The following NIPBL variants were observed in gnomAD, a reference collection of about 807,000 sequenced individuals.
NIPBL encodes the protein nipped-B-like protein.
In NIPBL, 19 loss-of-function variants were observed where a neutral mutation model predicts 321.8. The observed-to-expected ratio is 0.06, with a 90% confidence interval of 0.04 to 0.09. The LOEUF (loss-of-function observed/expected upper bound fraction) is 0.09. NIPBL is among the 10% of genes least tolerant of loss of function. The pLI is 1.00. For missense variants in NIPBL, 2,210 were observed against 3,327.0 expected, an observed-to-expected ratio of 0.66 and a Z score of 8.26; for synonymous variants, 1,106 against 1,114.1, an observed-to-expected ratio of 0.99 and a Z score of 0.14.
At chr5:36,904,949 C>G (rs1747515171) in intron 1 of NIPBL, among the ~76,000 whole-genome samples, 1 of 152,148 alleles carries the variant, frequency 6.6e-6, no homozygotes, top group South Asian at 2.1e-4. Flanking sequence ...GAGGGAATTA[C>G]ACAAGGTGGA....
chr5:36,977,194 A>G (rs895559594), intron 9 of NIPBL, among the ~76,000 whole-genome samples: 12 of 152,106 alleles, frequency 7.9e-5, no homozygotes, highest in African/African-American at 2.4e-4. Context: ...TTTGATTGCT[A>G]TATAAATGCA....
intron 6 of NIPBL, among the ~76,000 whole-genome samples, chr5:36,964,276 G>T (rs1741964395): frequency 6.6e-6 from 1 of 151,862 alleles, no homozygotes; most frequent in Admixed American, 6.6e-5. Flanking sequence ...AACCAAAAAA[G>T]ACCCCAAATT....
rs184010526 is a variant in NIPBL at position 37,025,818 on chromosome 5, T to C, written c.5710-411T>C. ...TATTATGTATCCATAAAAAAAAAAT[T>C]TTAAGTTTAGTCCTAAATTCATTAG... is the stretch of plus-strand genomic sequence containing the variant. On this transcript the variant is annotated intron_variant, in intron 30 of 46. Transcript: ENST00000282516. Among the ~76,000 whole-genome samples, 733 of 152,176 alleles carry C rather than the reference T, an allele frequency of 4.8e-3. 4 individuals are homozygous for C. The highest frequency in any genetic ancestry group is 7.2e-3 in the Admixed American group (110 of 15,276).
At chr5:37,046,257 A>T in intron 38 of NIPBL, 58 bp downstream of exon 38, 2 of 910,840 alleles carry the variant, frequency 2.2e-6, no homozygotes, top group Non-Finnish European at 3.7e-6. Flanking sequence ...GCATATTTTT[A>T]AATATTGTGA....
At chr5:37,019,669 A>AGG (rs1207282209) in intron 25 of NIPBL, among the ~76,000 whole-genome samples, 1 of 152,210 alleles carries the variant, frequency 6.6e-6, no homozygotes, top group Admixed American at 6.5e-5. Context: ...CTTTGAGGCT[A>AGG]GGCTAGGTCA....
chr5:36,976,415 C>A lies in NIPBL; in HGVS notation c.1495+13C>A. The stretch of plus-strand genomic sequence containing the variant: ...GTTCAAGATAAAGGTAAAATAATCT[C>A]ATTATTACCACTTCATCATCTGGGC... On this transcript the variant is annotated intron_variant, in intron 9 of 46. Coordinates refer to ENST00000282516, the MANE Select transcript of NIPBL (RefSeq NM_133433.4). The A allele has an allele frequency of 1.2e-6, 2 of 1,600,862 alleles. No homozygotes were observed. Among genetic ancestry groups the A allele is most frequent in the South Asian group, 2.2e-5 (2 of 90,924 alleles).
At position 37,065,589 on chromosome 5, in the gene NIPBL, A is replaced by C. The variant is rs1454873519; in HGVS notation, c.*697A>C. On this transcript the variant is annotated 3_prime_UTR_variant, in exon 47 of 47. Transcript: ENST00000282516. ...TTTTACAGTCTTTTATGTAAAATTT[A>C]TTATATCACTGGTTTTCAAAGCAAA... is the stretch of plus-strand genomic sequence containing the variant. 6.6e-6 allele frequency: 1 copy of C among 152,596 alleles called. No homozygotes were observed. 9.5% of individuals were successfully genotyped at this position (152,596 alleles called of 1,614,324 possible).
intron 17 of NIPBL, among the ~76,000 whole-genome samples, chr5:37,006,832 T>C (rs988332556): frequency 1.3e-5 from 2 of 151,960 alleles, no homozygotes; most frequent in African/African-American, 4.8e-5. Context: ...CTGGTTTCAT[T>C]TATCACTTCG....
intron 4 of NIPBL, among the ~76,000 whole-genome samples, chr5:36,960,630 A>C (rs1250292056): frequency 1.3e-5 from 2 of 152,202 alleles, no homozygotes; most frequent in African/African-American, 4.8e-5. Context: ...GCCACTTTTT[A>C]TAACAACAGC....
chr5:36,936,154 GTAT>G (rs1409377627), intron 1 of NIPBL, among the ~76,000 whole-genome samples: 2 of 152,018 alleles, frequency 1.3e-5, no homozygotes, highest in African/African-American at 4.8e-5. Context: ...TGTGATTATG[GTAT>G]TATTTGATAT....
chr5:36,909,461 C>T (rs1354153256), intron 1 of NIPBL, among the ~76,000 whole-genome samples: 2 of 152,028 alleles, frequency 1.3e-5, no homozygotes, highest in African/African-American at 4.8e-5. Flanking sequence ...TAATTTTGCA[C>T]TACTGTTTGA....
intron 1 of NIPBL, among the ~76,000 whole-genome samples, chr5:36,936,803 TAAC>T (rs1388488978): frequency 6.6e-6 from 1 of 151,718 alleles, no homozygotes; most frequent in Non-Finnish European, 1.5e-5. Context: ...AAAATGGTGA[TAAC>T]GAGACTTAAC....
At chr5:37,042,710 C>G (rs1752543575) in intron 34 of NIPBL, among the ~76,000 whole-genome samples, 1 of 151,564 alleles carries the variant, frequency 6.6e-6, no homozygotes, top group South Asian at 2.1e-4. Flanking sequence ...TCCTTCCATG[C>G]CTCCAGCTAC....
chr5:37,001,976 C>G (rs1380645201), intron 14 of NIPBL, among the ~76,000 whole-genome samples: 1 of 152,016 alleles, frequency 6.6e-6, no homozygotes, highest in South Asian at 2.1e-4. Context: ...CAGTTCTGTG[C>G]TGAGAAATTG....
chr5:36,975,655 GATTATATA>G lies in NIPBL; in HGVS notation c.869-117_869-110del. On this transcript the variant is annotated intron_variant, in intron 8 of 46. Transcript: ENST00000282516. ...TCATCTTTCGTAAATAAGTAGCTTGGATTATATAATTTCTTATTTTTTTCTAGTATTAC... is the reference window on the plus strand; with the variant it reads ...TCATCTTTCGTAAATAAGTAGCTTGGATTTCTTATTTTTTTCTAGTATTAC... 3.1e-6 allele frequency: 3 copies of G among 972,134 alleles called. No homozygotes were observed. The South Asian group carries it at 4.7e-5, about 15-fold the overall frequency. 60.2% of individuals were successfully genotyped at this position (972,134 alleles called of 1,614,324 possible). A position where few individuals can be genotyped will look rare whatever the true frequency, so the allele number is the denominator to read the frequency against.
At chr5:37,039,235 C>G (rs1752056233) in intron 34 of NIPBL, among the ~76,000 whole-genome samples, 1 of 151,578 alleles carries the variant, frequency 6.6e-6, no homozygotes, top group South Asian at 2.1e-4. Flanking sequence ...CCATTTATGG[C>G]ACCTAAGGAA....
intron 34 of NIPBL, among the ~76,000 whole-genome samples, chr5:37,039,639 A>C (rs1472466322): frequency 1.3e-5 from 2 of 152,144 alleles, no homozygotes; most frequent in Non-Finnish European, 2.9e-5. Flanking sequence ...CTTAACAAAT[A>C]TAAAGGTTTC....
At chr5:37,060,198 C>G (rs572971636) in intron 44 of NIPBL, among the ~76,000 whole-genome samples, 37 of 152,316 alleles carry the variant, frequency 2.4e-4, no homozygotes, top group African/African-American at 8.9e-4. Context: ...GTATTTGCAA[C>G]AGGGTCTCGC....
intron 21 of NIPBL, among the ~76,000 whole-genome samples, chr5:37,013,103 C>A (rs1748390745): frequency 6.7e-6 from 1 of 149,222 alleles, no homozygotes. Flanking sequence ...CTCCTCACTT[C>A]CCAGTAGGGG....
Sources: allele counts gnomAD v4.1 joint callset (sites outside exome capture counted in the v4.1 genomes callset), GRCh38; gene constraint gnomAD v4.1.1; transcripts MANE v1.5; gene names NCBI Gene and HGNC (gene_info 2026-07-23, HGNC 2026-07-21).